The following SIRPD variants were observed in gnomAD, a reference collection of about 807,000 sequenced individuals.
SIRPD encodes the protein signal-regulatory protein delta.
A neutral mutation model predicts 18.0 loss-of-function variants in SIRPD; 21 were observed. That is an observed-to-expected ratio of 1.17 (90% CI 0.83 to 1.68). The LOEUF (loss-of-function observed/expected upper bound fraction) is 1.68. Among genes scored for constraint, SIRPD ranks in the 40% most tolerant of loss-of-function variants. SIRPD has a pLI of 0.00. For synonymous variants in SIRPD, 106 were observed against 92.9 expected (o/e 1.14, Z -0.81); for missense variants, 295 against 238.4 (o/e 1.24, Z -1.56).
intron 3 of SIRPD, among the ~76,000 whole-genome samples, chr20:1,535,014 C>T (rs1182478900): frequency 6.6e-6 from 1 of 152,138 alleles, no homozygotes; most frequent in Non-Finnish European, 1.5e-5. Flanking sequence ...AAGTTTGATG[C>T]ATGGCCCATG....
chr20:1,545,856 C>T (rs568163720), intron 2 of SIRPD, among the ~76,000 whole-genome samples: 3 of 152,078 alleles, frequency 2.0e-5, no homozygotes, highest in African/African-American at 7.2e-5. Flanking sequence ...TGTTAGTTTT[C>T]CTTTTGACAG....
chr20:1,557,558 A>G, intron 1 of SIRPD, 23 bp downstream of exon 1: 7 of 1,538,512 alleles, frequency 4.5e-6, no homozygotes, highest in Non-Finnish European at 4.4e-6. Flanking sequence ...CCCACCACAC[A>G]CATACACTGA....
intron 3 of SIRPD, among the ~76,000 whole-genome samples, chr20:1,535,582 A>C (rs981563223): frequency 3.9e-5 from 6 of 152,180 alleles, no homozygotes; most frequent in Non-Finnish European, 8.8e-5. Context: ...GTGCTGCCTC[A>C]GGACTCTTTA....
intron 2 of SIRPD, among the ~76,000 whole-genome samples, chr20:1,543,916 G>A (rs1176832381): frequency 2.0e-5 from 3 of 152,206 alleles, no homozygotes; most frequent in Non-Finnish European, 2.9e-5. Context: ...CCATGTAGAT[G>A]TGCAGTTTTG....
chr20:1,552,279 A>G (rs990351995), intron 1 of SIRPD, among the ~76,000 whole-genome samples: 1 of 152,180 alleles, frequency 6.6e-6, no homozygotes, highest in African/African-American at 2.4e-5. Context: ...CAACCGTGGT[A>G]AGAGGAGGAC....
At position 1,549,129 on chromosome 20, in the gene SIRPD, T is replaced by C. The variant is rs2091006899; in HGVS notation, c.421+2562A>G. On this transcript the variant is annotated intron_variant, in intron 2 of 3. Transcript: ENST00000381623. ...CTTCAAATCTACTGTTAATCCCCTC[T>C]AGGGTAATTTTTCTTTCAATTGTTG... is the stretch of plus-strand genomic sequence containing the variant. Among the ~76,000 whole-genome samples the C allele has an allele frequency of 2.0e-5, 3 of 152,290 alleles. No individual in the cohort carries two copies. In the South Asian group the frequency reaches 6.2e-4, roughly 32 times the overall value.
rs58308789 is a variant in SIRPD, at chr20:1,547,087, T to G, written c.421+4604A>C. On this transcript the variant is annotated intron_variant, in intron 2 of 3. Transcript: ENST00000381623. ...TTTGATACTATGCTTAAGAAGCCAA[T>G]GCAAAATCTGATGTCATTAAGATTT... Among the ~76,000 whole-genome samples the G allele has an allele frequency of 9.1e-3, 1,391 of 152,338 alleles. 22 individuals carry two copies. Among genetic ancestry groups the G allele is most frequent in the African/African-American group, 0.033 (1,357 of 41,584 alleles).
chr20:1,557,364 C>T (rs970283244), intron 1 of SIRPD, among the ~76,000 whole-genome samples: 3 of 152,022 alleles, frequency 2.0e-5, no homozygotes, highest in Non-Finnish European at 4.4e-5. Context: ...AGGTGTGAGT[C>T]GTTTACCTGA....
At chr20:1,554,427 A>G (rs1304072553) in intron 1 of SIRPD, 1 of 152,610 alleles carries the variant, frequency 6.6e-6, no homozygotes, top group African/African-American at 2.4e-5. Flanking sequence ...CACCAGTCAT[A>G]TAAAAATTAC....
intron 3 of SIRPD, 121 bp downstream of exon 3, chr20:1,537,034 A>T: frequency 8.4e-7 from 1 of 1,183,926 alleles, no homozygotes; most frequent in South Asian, 1.5e-5. Flanking sequence ...AAGGGGTGGC[A>T]AAGAAAGAGG....
In SIRPD at chr20:1,554,736, C is replaced by T. The variant is rs200809478; in HGVS notation, c.74-2698G>A. On this transcript the variant is annotated intron_variant, in intron 1 of 3. Coordinates refer to ENST00000381623, the MANE Select transcript of SIRPD (RefSeq NM_178460.3). ...ATATGGAGGCAGCTCCCTCCCATAC[C>T]GGGTGTTCTGTGGTGTGAAAGGCCA... 8.5e-5 allele frequency among the ~76,000 whole-genome samples: 13 copies of T among 152,136 alleles called. No individual in the cohort carries two copies. In the East Asian group the frequency reaches 1.4e-3, roughly 16 times the overall value.
At chr20:1,548,211 GT>G (rs1489032714) in intron 2 of SIRPD, among the ~76,000 whole-genome samples, 7 of 152,102 alleles carry the variant, frequency 4.6e-5, no homozygotes, top group African/African-American at 1.7e-4. Flanking sequence ...GTGGCTTTCG[GT>G]TTTGCTAAAT....
At chr20:1,546,144 G>A (rs750871148) in intron 2 of SIRPD, among the ~76,000 whole-genome samples, 10 of 152,224 alleles carry the variant, frequency 6.6e-5, no homozygotes, top group East Asian at 1.9e-4. Flanking sequence ...GAGCTCAAGC[G>A]CTGTGCTGGG....
intron 2 of SIRPD, among the ~76,000 whole-genome samples, chr20:1,546,167 C>T (rs891693879): frequency 1.3e-5 from 2 of 152,218 alleles, no homozygotes; most frequent in Admixed American, 1.3e-4. Flanking sequence ...ATCCACTGCT[C>T]TCTTCAGAGC....
At position 1,553,791 on chromosome 20, in the gene SIRPD, A is replaced by G. The variant is rs543882970; in HGVS notation, c.74-1753T>C. On this transcript the variant is annotated intron_variant, in intron 1 of 3. Transcript: ENST00000381623. ...TGGCACAGGTTGTCCAGAATGGCTTACTAGAAAGGCTATTAGAAGAAACCT... is the reference window on the plus strand; with the variant it reads ...TGGCACAGGTTGTCCAGAATGGCTTGCTAGAAAGGCTATTAGAAGAAACCT... Among the ~76,000 whole-genome samples, 14 of 152,316 alleles carry G rather than the reference A, an allele frequency of 9.2e-5. No individual in the cohort carries two copies. In the Middle Eastern group the frequency reaches 0.014, roughly 148 times the overall value.
intron 2 of SIRPD, among the ~76,000 whole-genome samples, chr20:1,541,783 A>G (rs1204700325): frequency 1.3e-5 from 2 of 152,238 alleles, no homozygotes; most frequent in Non-Finnish European, 1.5e-5. Context: ...TCTTACATTT[A>G]CATCTTTAAT....
intron 1 of SIRPD, 75 bp from the exon 2 acceptor site, chr20:1,552,113 T>G: frequency 3.2e-6 from 4 of 1,237,550 alleles, no homozygotes; most frequent in Non-Finnish European, 4.6e-6. Context: ...CGGTTGGGCC[T>G]CATTCATTAA....
At chr20:1,537,124 C>T (rs1432303151) in intron 3 of SIRPD, 31 bp downstream of exon 3, 2 of 1,607,300 alleles carry the variant, frequency 1.2e-6, no homozygotes, top group African/African-American at 1.3e-5. Flanking sequence ...AGCATCCCTG[C>T]ATCATGGTAC....
At chr20:1,549,093 T>A (rs1417952603) in intron 2 of SIRPD, among the ~76,000 whole-genome samples, 2 of 152,176 alleles carry the variant, frequency 1.3e-5, no homozygotes, top group Non-Finnish European at 2.9e-5. Flanking sequence ...TCAAATTTGC[T>A]AAATCTGCTT....
Sources: gnomAD v4.1 joint callset for allele counts (sites outside exome capture counted in the v4.1 genomes callset) on GRCh38, gnomAD v4.1.1 for gene constraint, MANE v1.5 for transcripts, NCBI Gene and HGNC (gene_info 2026-07-23, HGNC 2026-07-21) for gene names.